The following KPTN variants were observed in gnomAD, a reference collection of about 807,000 sequenced individuals.
KPTN encodes the protein KICSTOR complex protein kaptin.
Under a neutral mutation model 52.6 loss-of-function variants are expected in KPTN, and 36 were observed. That is an observed-to-expected ratio of 0.68 (90% confidence interval 0.52 to 0.90). The LOEUF is 0.90. Among genes scored for constraint, KPTN ranks in the 40% least tolerant of loss-of-function variants. The probability of loss-of-function intolerance (pLI) is 0.00; values close to 1 mark genes in which losing one functional copy is unlikely to be tolerated. For missense variants in KPTN, 529 were observed against 576.2 expected (o/e 0.92, Z 0.84); for synonymous variants, 271 against 248.4 (o/e 1.09, Z -0.85).
At chr19:47,482,490 A>AG (rs1219663671) in intron 4 of KPTN, among the ~76,000 whole-genome samples, 2 of 151,056 alleles carry the variant, frequency 1.3e-5, no homozygotes, top group Non-Finnish European at 3.0e-5. Flanking sequence ...CAAAAAAAAA[A>AG]AAAAAGAAAG....
chr19:47,483,820 T>TAAAACCAC (rs759497293), intron 1 of KPTN, 115 bp downstream of exon 1: 670 of 1,443,208 alleles, frequency 4.6e-4, no homozygotes, highest in Non-Finnish European at 5.8e-4. Context: ...GTGACCCCCT[T>TAAAACCAC]AAAACCACCT....
chr19:47,477,435 G>A (rs1049144105), intron 9 of KPTN, among the ~76,000 whole-genome samples: 18 of 152,124 alleles, frequency 1.2e-4, no homozygotes, highest in Admixed American at 2.6e-4. Context: ...GGCTTTCCTC[G>A]TGCATAGCCA....
At chr19:47,482,345 C>T (rs765146430) in intron 4 of KPTN, among the ~76,000 whole-genome samples, 5 of 151,834 alleles carry the variant, frequency 3.3e-5, no homozygotes, top group Non-Finnish European at 5.9e-5. Context: ...AAAAATTAGC[C>T]GGGCATGGTG....
chr19:47,484,342 C>A (rs900074678), upstream of KPTN: 3 of 707,436 alleles, frequency 4.2e-6, no homozygotes, highest in East Asian at 2.8e-5. Flanking sequence ...GCCTCCCAGG[C>A]GACTTTGCCC....
In KPTN at chr19:47,475,371, C is replaced by T. The variant is rs777549774; in HGVS notation, c.*45G>A. On this transcript the variant is annotated 3_prime_UTR_variant, in exon 12 of 12. Coordinates refer to ENST00000338134, the MANE Select transcript of KPTN (RefSeq NM_007059.4). ...CCCCACCAGCGGCTGGAGGTGAGCACGCCATGAGTCGCCCCAGGTCTGGGA... is the reference window on the plus strand; with the variant it reads ...CCCCACCAGCGGCTGGAGGTGAGCATGCCATGAGTCGCCCCAGGTCTGGGA... The T allele has an allele frequency of 4.7e-5, 75 of 1,598,316 alleles. No individual in the cohort carries two copies. The highest frequency in any genetic ancestry group is 2.5e-4 in the East Asian group (11 of 44,242).
chr19:47,475,188 C>T lies in KPTN; in HGVS notation c.*228G>A. On this transcript the variant is annotated 3_prime_UTR_variant, in exon 12 of 12. Coordinates refer to ENST00000338134, the MANE Select transcript of KPTN (RefSeq NM_007059.4). ...GACGTATAAATAACCATCAGGTGGCCAATTCTCATCCAGAGTGGACAGGGT... is the reference window on the plus strand; with the variant it reads ...GACGTATAAATAACCATCAGGTGGCTAATTCTCATCCAGAGTGGACAGGGT... 1 of 437,116 alleles carries T rather than the reference C, an allele frequency of 2.3e-6. No homozygotes were observed. The allele number at this position is 437,116 out of a possible 1,614,324, so 27.1% of individuals were successfully genotyped here.
At chr19:47,481,839 C>A (rs1007826572) in intron 4 of KPTN, among the ~76,000 whole-genome samples, 2 of 152,204 alleles carry the variant, frequency 1.3e-5, no homozygotes, top group African/African-American at 4.8e-5. Flanking sequence ...GAATCTGGAA[C>A]TCTAGAATGG....
chr19:47,477,687 G>A lies in KPTN; in HGVS notation c.863+19C>T. On this transcript the variant is annotated intron_variant, in intron 9 of 11. Coordinates refer to ENST00000338134, the MANE Select transcript of KPTN (RefSeq NM_007059.4). ...AGAAAGAAGGTTAGACCACACCCAT[G>A]TGTCTCAGGCCCCCTCACCGATACA... 1 of 1,596,102 alleles carries A rather than the reference G, an allele frequency of 6.3e-7. No individual in the cohort carries two copies. Among genetic ancestry groups the A allele is most frequent in the Non-Finnish European group, 8.6e-7 (1 of 1,163,774 alleles).
intron 4 of KPTN, chr19:47,481,649 A>G (rs1967881114): frequency 6.6e-6 from 1 of 152,612 alleles, no homozygotes; most frequent in South Asian, 2.1e-4. Flanking sequence ...TTTTGTAAAT[A>G]AAGTTTTATT....
chr19:47,478,527 G>A (rs188367189), intron 8 of KPTN, among the ~76,000 whole-genome samples: 4 of 120,994 alleles, frequency 3.3e-5, no homozygotes, highest in Admixed American at 1.2e-4. Flanking sequence ...ATAGTGAGCC[G>A]AGATTGTGCC....
At chr19:47,484,256 C>A, upstream of KPTN, 1 of 1,398,430 alleles carries the variant, frequency 7.2e-7, no homozygotes, top group Non-Finnish European at 9.5e-7. Context: ...GGTGCCCGGC[C>A]GTTGCGCGGG....
chr19:47,477,059 C>T lies in KPTN; in HGVS notation c.864-121G>A, dbSNP rs144216361. 5.4e-5 allele frequency: 55 copies of T among 1,026,634 alleles called. No homozygotes were observed. The East Asian group carries it at 8.4e-4, about 16-fold the overall frequency. 63.6% of individuals were successfully genotyped at this position (1,026,634 alleles called of 1,614,324 possible). ...CTCAGGCCTAGACACACTGGTCCTCCGGAAGCCTAGACATCATCATCTCAG... is the reference window on the plus strand; with the variant it reads ...CTCAGGCCTAGACACACTGGTCCTCTGGAAGCCTAGACATCATCATCTCAG... On this transcript the variant is annotated intron_variant, in intron 9 of 11. Transcript: ENST00000338134.
intron 4 of KPTN, 159 bp downstream of exon 4, chr19:47,483,002 C>T (rs1199149376): frequency 3.9e-5 from 30 of 763,652 alleles, no homozygotes; most frequent in African/African-American, 5.2e-5. Flanking sequence ...CCACCGTGCC[C>T]GGCTGGCATT....
intron 5 of KPTN, 21 bp downstream of exon 5, chr19:47,480,937 C>T: frequency 1.9e-6 from 3 of 1,612,038 alleles, no homozygotes; most frequent in Non-Finnish European, 2.5e-6. Context: ...GGGCTCTGCC[C>T]AGCACGCCGC....
rs201244068 is a variant in KPTN at position 47,476,546 on chromosome 19, C to T, written c.1168G>A (p.Val390Met). The T allele has an allele frequency of 1.0e-4, 163 of 1,607,550 alleles. No homozygotes were observed. Among genetic ancestry groups the T allele is most frequent in the Middle Eastern group, 3.4e-4 (2 of 5,920 alleles). Residue 390 changes from valine (V) to methionine (M), a missense_variant, in exon 11 of 12, where the codon GTG becomes ATG. Physicochemically the swap from Val to Met is conservative, Grantham distance 21 (BLOSUM62 1). Transcript: ENST00000338134. The stretch of plus-strand genomic sequence containing the variant: ...GCTGGGGATACCTGCAGGATGTGCA[C>T]GCCCTTCAGGGAGACCACGGCAAGC... ...QELAVVSLKG[V>M]HILQHSLIQA...
At chr19:47,482,629 T>A (rs1318558314) in intron 4 of KPTN, among the ~76,000 whole-genome samples, 1 of 152,180 alleles carries the variant, frequency 6.6e-6, no homozygotes, top group Non-Finnish European at 1.5e-5. Flanking sequence ...GTGCTCCCTG[T>A]TATATTACAT....
intron 8 of KPTN, among the ~76,000 whole-genome samples, chr19:47,479,285 C>T (rs909214699): frequency 4.6e-5 from 7 of 152,210 alleles, no homozygotes; most frequent in African/African-American, 9.7e-5. Flanking sequence ...TCAGGTGATC[C>T]GTCCGCTTCG....
intron 8 of KPTN, among the ~76,000 whole-genome samples, chr19:47,479,543 TACAG>T (rs1443645700): frequency 6.6e-6 from 1 of 151,212 alleles, no homozygotes; most frequent in Non-Finnish European, 1.5e-5. Context: ...CAGGTTAGAG[TACAG>T]AGGGAGAGGT....
intron 8 of KPTN, among the ~76,000 whole-genome samples, chr19:47,479,478 G>C (rs572447190): frequency 8.5e-4 from 129 of 152,270 alleles, no homozygotes; most frequent in Non-Finnish European, 9.4e-4. Flanking sequence ...AATGCAACAA[G>C]AGACACAGTG....
Sources: allele counts gnomAD v4.1 joint callset (sites outside exome capture counted in the v4.1 genomes callset), GRCh38; gene constraint gnomAD v4.1.1; transcripts MANE v1.5; gene names NCBI Gene and HGNC (gene_info 2026-07-23, HGNC 2026-07-21).